DSCAM: variants seen among roughly 807,000 people sequenced by gnomAD.
DSCAM encodes the protein DS cell adhesion molecule.
In DSCAM, 47 loss-of-function variants were observed where a neutral mutation model predicts 217.7. That is an observed-to-expected ratio of 0.22 (90% CI 0.17 to 0.28). The LOEUF (loss-of-function observed/expected upper bound fraction) is 0.28. DSCAM is among the 10% of genes least tolerant of loss of function. The pLI, the probability that DSCAM is intolerant of heterozygous loss-of-function variation, is 1.00. For missense variants in DSCAM, 2,080 were observed against 2,618.3 expected, an observed-to-expected ratio of 0.79 and a Z score of 4.49; for synonymous variants, 1,056 against 1,015.3, an observed-to-expected ratio of 1.04 and a Z score of -0.76.
chr21:40,085,723 G>T lies in DSCAM; in HGVS notation c.4011C>A (p.Ser1337Arg). 6.3e-7 allele frequency: 1 copy of T among 1,584,024 alleles called. No individual in the cohort carries two copies. Among genetic ancestry groups the T allele is most frequent in the Non-Finnish European group, 8.6e-7 (1 of 1,157,098 alleles). Residue 1337 changes from serine to arginine, a missense_variant, in exon 23 of 33, where the codon AGC (serine) becomes AGA (arginine). Around this residue, in one of 5 missense-constraint regions of DSCAM, gnomAD observed 1,144 missense variants for 1,421.1 expected, o/e 0.81. Transcript: ENST00000400454. ...TAATGAAGCTTCCGTTGCTAAAGAT[G>T]CTCCTCCGCCCATCAATCGTTACTA... ...PSLVTIDGRRSIFSNGSFIIR... is the reference protein window; with the variant it reads ...PSLVTIDGRRRIFSNGSFIIR...
intron 3 of DSCAM, among the ~76,000 whole-genome samples, chr21:40,417,163 G>A (rs543039240): frequency 4.6e-5 from 7 of 152,174 alleles, no homozygotes; most frequent in African/African-American, 7.2e-5. Flanking sequence ...TTAAGGTTGC[G>A]TGAACATCTA....
intron 10 of DSCAM, among the ~76,000 whole-genome samples, chr21:40,294,050 G>A (rs2073926550): frequency 6.6e-6 from 1 of 152,068 alleles, no homozygotes; most frequent in Admixed American, 6.6e-5. Context: ...GATGTTATTG[G>A]GGGGAATTTA....
chr21:40,723,077 G>A (rs376470520), intron 1 of DSCAM, among the ~76,000 whole-genome samples: 186 of 149,702 alleles, frequency 1.2e-3, no homozygotes, highest in African/African-American at 3.9e-3. Flanking sequence ...CTGAGAGCTG[G>A]GTCTCTCTCG....
In DSCAM at chr21:40,121,445, T is replaced by C. The variant is rs575471385; in HGVS notation, c.3696+2750A>G. Among the ~76,000 whole-genome samples the C allele has an allele frequency of 2.6e-5, 4 of 152,274 alleles. No homozygotes were observed. In the South Asian group the frequency reaches 8.3e-4, roughly 32 times the overall value. ...TGAGATAGATAGACAGGAAGGTGGA[T>C]ATGGAGAGGGAACTGTTTTTAGTTC... On this transcript the variant is annotated intron_variant, in intron 20 of 32. Transcript: ENST00000400454.
chr21:40,787,083 A>G (rs1470788806), intron 1 of DSCAM, among the ~76,000 whole-genome samples: 1 of 152,216 alleles, frequency 6.6e-6, no homozygotes, highest in Non-Finnish European at 1.5e-5. Flanking sequence ...CTATTTTGCA[A>G]AGACCACCTA....
At chr21:40,378,551 CTTATTTTTTTTTTTTTTTTT>C (rs2074986738) in intron 3 of DSCAM, among the ~76,000 whole-genome samples, 1 of 101,406 alleles carries the variant, frequency 9.9e-6, no homozygotes, top group African/African-American at 3.6e-5. Context: ...ACAATGAAAA[CTTATTTTTTTTTTTTTTTTT>C]TTTTTTTTTT....
chr21:40,151,321 A>T (rs1163858846), intron 16 of DSCAM, among the ~76,000 whole-genome samples: 1 of 152,060 alleles, frequency 6.6e-6, no homozygotes, highest in Non-Finnish European at 1.5e-5. Context: ...TCTTCCCTAG[A>T]CCACTCCCAC....
intron 3 of DSCAM, among the ~76,000 whole-genome samples, chr21:40,398,818 A>G (rs762963703): frequency 2.6e-5 from 4 of 151,934 alleles, no homozygotes; most frequent in Non-Finnish European, 5.9e-5. Flanking sequence ...TATTTTTAGT[A>G]GGGACGGGAT....
chr21:40,750,226 C>A (rs2091214868), intron 1 of DSCAM, among the ~76,000 whole-genome samples: 2 of 152,128 alleles, frequency 1.3e-5, no homozygotes, highest in South Asian at 4.1e-4. Flanking sequence ...CCATGCCTGA[C>A]CTCATTGGCT....
intron 18 of DSCAM, among the ~76,000 whole-genome samples, chr21:40,142,071 G>A (rs773222444): frequency 6.7e-5 from 10 of 149,958 alleles, no homozygotes; most frequent in African/African-American, 1.8e-4. Flanking sequence ...GAGACAAAAC[G>A]GGAGGGCCCT....
rs185679716 is a variant in DSCAM, at chr21:40,272,248, T to A, written c.2356+3849A>T. 4.6e-5 allele frequency among the ~76,000 whole-genome samples: 7 copies of A among 152,250 alleles called. No homozygotes were observed. In the East Asian group the frequency reaches 1.4e-3, roughly 29 times the overall value. On this transcript the variant is annotated intron_variant, in intron 11 of 32. Transcript: ENST00000400454. Reference sequence around the variant, plus strand: ...GCAAGCAGAGCCTACTCCCTCTGCCTTTTCTGCCAAGCCTCCTAATCGTTA... The same window carrying A: ...GCAAGCAGAGCCTACTCCCTCTGCCATTTCTGCCAAGCCTCCTAATCGTTA...
At chr21:40,210,229 G>A (rs1024972730) in intron 11 of DSCAM, among the ~76,000 whole-genome samples, 7 of 152,054 alleles carry the variant, frequency 4.6e-5, no homozygotes, top group African/African-American at 7.2e-5. Flanking sequence ...TTAAACTCAC[G>A]TCCTACCTCC....
intron 1 of DSCAM, among the ~76,000 whole-genome samples, chr21:40,757,925 C>T (rs1362361778): frequency 6.6e-6 from 1 of 152,114 alleles, no homozygotes; most frequent in Non-Finnish European, 1.5e-5. Flanking sequence ...ACCCAGTACC[C>T]GTGGATGTGA....
At chr21:40,782,021 AT>A (rs2091551319) in intron 1 of DSCAM, among the ~76,000 whole-genome samples, 1 of 151,006 alleles carries the variant, frequency 6.6e-6, no homozygotes, top group Non-Finnish European at 1.5e-5. Context: ...GAAAAAAAAA[AT>A]TAGCCAGGCG....
intron 1 of DSCAM, among the ~76,000 whole-genome samples, chr21:40,766,917 C>T (rs2091398129): frequency 6.6e-6 from 1 of 152,022 alleles, no homozygotes; most frequent in Admixed American, 6.6e-5. Context: ...AACTCCTGAC[C>T]TCAGGTGATC....
intron 1 of DSCAM, among the ~76,000 whole-genome samples, chr21:40,733,016 C>G (rs2091028450): frequency 6.6e-6 from 1 of 152,168 alleles, no homozygotes; most frequent in Non-Finnish European, 1.5e-5. Flanking sequence ...CTATTTTTTT[C>G]TTCCTGTATC....
intron 14 of DSCAM, among the ~76,000 whole-genome samples, chr21:40,186,854 T>G (rs571684067): frequency 1.1e-3 from 164 of 152,192 alleles, no homozygotes; most frequent in African/African-American, 3.7e-3. Context: ...ACTGCCCACA[T>G]GCCAACAGGA....
intron 1 of DSCAM, among the ~76,000 whole-genome samples, chr21:40,742,003 A>G (rs2091128677): frequency 6.6e-6 from 1 of 152,204 alleles, no homozygotes. Flanking sequence ...GGGCATCAGA[A>G]AAAGCCCACC....
chr21:40,450,462 A>G (rs541854973), intron 3 of DSCAM, among the ~76,000 whole-genome samples: 1 of 152,218 alleles, frequency 6.6e-6, no homozygotes, highest in Non-Finnish European at 1.5e-5. Context: ...AATGAAAAAA[A>G]ATGTTATTTA....
Sources: allele counts gnomAD v4.1 joint callset (sites outside exome capture counted in the v4.1 genomes callset), GRCh38; gene constraint gnomAD v4.1.1; regional missense constraint gnomAD v4.1.1; transcripts MANE v1.5; gene names NCBI Gene and HGNC (gene_info 2026-07-23, HGNC 2026-07-21).